The following SMC4 variants were observed in gnomAD, a reference collection of about 807,000 sequenced individuals.
The protein encoded by SMC4 is structural maintenance of chromosomes 4, also known as structural maintenance of chromosomes protein 4.
Under a neutral mutation model 145.6 loss-of-function variants are expected in SMC4, and 87 were observed. The observed-to-expected ratio is 0.60, with a 90% confidence interval of 0.50 to 0.71. SMC4 has a LOEUF of 0.71. Ranked by LOEUF, SMC4 falls within the 30% of genes least tolerant of loss-of-function variation. The pLI, the probability that SMC4 is intolerant of heterozygous loss-of-function variation, is 0.00. For missense variants in SMC4, 1,447 were observed against 1,537.1 expected (o/e 0.94, Z 0.98); for synonymous variants, 558 against 500.7 (o/e 1.11, Z -1.53).
chr3:160,432,142 C>T, intron 21 of SMC4, 141 bp from the exon 22 acceptor site: 1 of 673,524 alleles, frequency 1.5e-6, no homozygotes, highest in Non-Finnish European at 2.5e-6. Flanking sequence ...GTGGAGGTTG[C>T]CGTGAGCCGA....
chr3:160,408,455 T>C (rs1715593315), intron 5 of SMC4, among the ~76,000 whole-genome samples: 1 of 152,212 alleles, frequency 6.6e-6, no homozygotes. Context: ...CCTTGTTTCA[T>C]ATGCTTTAAG....
At chr3:160,408,162 G>A (rs1392858213) in intron 5 of SMC4, among the ~76,000 whole-genome samples, 1 of 152,102 alleles carries the variant, frequency 6.6e-6, no homozygotes, top group East Asian at 1.9e-4. Context: ...GTAATTACAA[G>A]TAAAAATAAA....
At chr3:160,418,991 G>C (rs1472373366) in intron 11 of SMC4, among the ~76,000 whole-genome samples, 1 of 151,984 alleles carries the variant, frequency 6.6e-6, no homozygotes, top group African/African-American at 2.4e-5. Context: ...TCATTTTCTG[G>C]GTCAGCTTTT....
chr3:160,415,415 G>A (rs1315180307), intron 9 of SMC4, among the ~76,000 whole-genome samples: 3 of 152,084 alleles, frequency 2.0e-5, no homozygotes, highest in Non-Finnish European at 4.4e-5. Context: ...CTGTGTTCAT[G>A]TTCATAGCTC....
At position 160,434,003 on chromosome 3, in the gene SMC4, A is replaced by G. The variant is rs1363014584; in HGVS notation, c.*194A>G. 9.2e-6 allele frequency: 4 copies of G among 433,410 alleles called. No individual in the cohort carries two copies. Among genetic ancestry groups the G allele is most frequent in the African/African-American group, 2.1e-5 (1 of 47,892 alleles). The allele number at this position is 433,410 out of a possible 1,614,324, so 26.8% of individuals were successfully genotyped here. A position where few individuals can be genotyped will look rare whatever the true frequency, so the allele number is the denominator to read the frequency against. Reference sequence around the variant, plus strand: ...TGCTTCTAGATTACAAAAATATGACAATCTTGTAAGTAGCAGACTATGGAG... The same window carrying G: ...TGCTTCTAGATTACAAAAATATGACGATCTTGTAAGTAGCAGACTATGGAG... On this transcript the variant is annotated 3_prime_UTR_variant, in exon 24 of 24. Transcript: ENST00000357388.
At chr3:160,413,420 G>A (rs1716236643) in intron 7 of SMC4, 53 bp from the exon 8 acceptor site, 3 of 1,527,360 alleles carry the variant, frequency 2.0e-6, no homozygotes, top group African/African-American at 1.4e-5. Context: ...ATACAGTTTT[G>A]GAAATGGCAT....
chr3:160,410,987 A>G (rs559748647), intron 5 of SMC4, among the ~76,000 whole-genome samples: 116 of 152,328 alleles, frequency 7.6e-4, no homozygotes, highest in African/African-American at 2.6e-3. Context: ...AGTCTAGAGT[A>G]CAAACAAGCT....
intron 9 of SMC4, among the ~76,000 whole-genome samples, chr3:160,415,261 A>G (rs1387820784): frequency 6.6e-6 from 1 of 152,238 alleles, no homozygotes; most frequent in Non-Finnish European, 1.5e-5. Flanking sequence ...AGTCCTAGCT[A>G]GTCAGGAGAG....
At chr3:160,416,565 G>T in intron 10 of SMC4, 150 bp downstream of exon 10, 1 of 449,196 alleles carries the variant, frequency 2.2e-6, no homozygotes, top group East Asian at 3.4e-5. Context: ...AGACTTAGAT[G>T]ACTATTCTTT....
intron 15 of SMC4, 60 bp downstream of exon 15, chr3:160,423,900 T>G: frequency 8.9e-6 from 12 of 1,341,718 alleles, no homozygotes; most frequent in South Asian, 1.5e-5. Flanking sequence ...TTTACCGAGG[T>G]ATATACTTAC....
At position 160,401,664 on chromosome 3, in the gene SMC4, A is replaced by G. The variant is rs186077677; in HGVS notation, c.140-251A>G. On this transcript the variant is annotated intron_variant, in intron 2 of 23. Coordinates refer to ENST00000357388, the MANE Select transcript of SMC4 (RefSeq NM_001002800.3). ...CTCTTAAGAGGTATAGGTGTATAGA[A>G]TTTTGTGACCGGTGGCATTTCTTTC... Among the ~76,000 whole-genome samples the G allele has an allele frequency of 3.4e-4, 52 of 152,294 alleles. No individual in the cohort carries two copies. The South Asian group carries it at 5.6e-3, about 16-fold the overall frequency.
chr3:160,427,373 C>CAA (rs1323154298), intron 17 of SMC4, among the ~76,000 whole-genome samples: 1 of 152,216 alleles, frequency 6.6e-6, no homozygotes, highest in African/African-American at 2.4e-5. Context: ...GCTGGGAACA[C>CAA]AAACCATTGT....
rs1003185184 is a variant in SMC4 at position 160,399,695 on chromosome 3, G to A, written c.-60G>A. On this transcript the variant is annotated 5_prime_UTR_variant, in exon 1 of 24. Transcript: ENST00000357388. ...GAGCCGAAACACCGGTAGGAGCGGG[G>A]AGGTGGGTACTACACAACCGTCTCC... 3 of 152,800 alleles carry A rather than the reference G, an allele frequency of 2.0e-5. No individual in the cohort carries two copies. Among genetic ancestry groups the A allele is most frequent in the Admixed American group, 6.5e-5 (1 of 15,312 alleles). The allele number at this position is 152,800 out of a possible 1,614,324, so 9.5% of individuals were successfully genotyped here.
rs2108478524 is a variant in SMC4, at chr3:160,417,777, A to G, written c.1492A>G (p.Lys498Glu). ...CAAATCGGTAAATGAAGCACGTTCA[A>G]AGATGGATGTAGCCCAGTCAGAACT... is the stretch of plus-strand genomic sequence containing the variant. ...FSKSVNEARSKMDVAQSELDI... is the reference protein window; with the variant it reads ...FSKSVNEARSEMDVAQSELDI... Residue 498 changes from lysine to glutamate, a missense_variant, in exon 11 of 24, where the codon AAG (lysine) becomes GAG (glutamate). Coordinates refer to ENST00000357388, the MANE Select transcript of SMC4 (RefSeq NM_001002800.3). 1.9e-6 allele frequency: 3 copies of G among 1,613,510 alleles called. No individual in the cohort carries two copies. The East Asian group carries it at 6.7e-5, about 36-fold the overall frequency.
intron 9 of SMC4, among the ~76,000 whole-genome samples, chr3:160,415,568 T>C (rs1716494235): frequency 1.3e-5 from 2 of 152,268 alleles, no homozygotes; most frequent in Admixed American, 1.3e-4. Flanking sequence ...CAAAATACTT[T>C]CTGCTTAGCA....
At chr3:160,403,096 A>G (rs966277774) in intron 4 of SMC4, among the ~76,000 whole-genome samples, 5 of 152,176 alleles carry the variant, frequency 3.3e-5, no homozygotes, top group Non-Finnish European at 7.4e-5. Context: ...CCTTTTTGGA[A>G]TAAAAGCATT....
intron 5 of SMC4, among the ~76,000 whole-genome samples, chr3:160,410,376 G>T (rs1189108228): frequency 6.6e-6 from 1 of 152,170 alleles, no homozygotes; most frequent in Non-Finnish European, 1.5e-5. Flanking sequence ...AAGACTCTTG[G>T]CTTCCTCAGT....
At chr3:160,427,607 C>G (rs1023363129) in intron 17 of SMC4, among the ~76,000 whole-genome samples, 2 of 152,172 alleles carry the variant, frequency 1.3e-5, no homozygotes, top group Non-Finnish European at 2.9e-5. Context: ...TTGTTAGGAG[C>G]TCTATATATC....
At chr3:160,401,780 C>T (rs58915028) in intron 2 of SMC4, 135 bp from the exon 3 acceptor site, 34,021 of 665,744 alleles carry the variant, frequency 0.051, 1,102 homozygotes, top group Middle Eastern at 0.081. Flanking sequence ...AATATAGACT[C>T]CTAAGTTTCA....
Sources: gnomAD v4.1 joint callset for allele counts (sites outside exome capture counted in the v4.1 genomes callset) on GRCh38, gnomAD v4.1.1 for gene constraint, MANE v1.5 for transcripts, NCBI Gene and HGNC (gene_info 2026-07-23, HGNC 2026-07-21) for gene names.